Variants in FAM135B observed in about 807,000 individuals in gnomAD.
FAM135B encodes the protein protein FAM135B.
Under a neutral mutation model 127.7 loss-of-function variants are expected in FAM135B, and 43 were observed. The observed-to-expected ratio is 0.34, with a 90% CI of 0.26 to 0.43. FAM135B has a LOEUF of 0.43. Among genes scored for constraint, FAM135B ranks in the 20% least tolerant of loss-of-function variants. FAM135B has a pLI of 1.00. For missense variants in FAM135B, 1,558 were observed against 1,725.6 expected, an observed-to-expected ratio of 0.90 and a Z score of 1.72; for synonymous variants, 670 against 665.1, an observed-to-expected ratio of 1.01 and a Z score of -0.11.
At chr8:138,193,667 G>C (rs1278279031) in intron 9 of FAM135B, among the ~76,000 whole-genome samples, 1 of 152,198 alleles carries the variant, frequency 6.6e-6, no homozygotes, top group Non-Finnish European at 1.5e-5. Flanking sequence ...GCCCTCAGGG[G>C]ATGGAGCCTG....
At chr8:138,408,054 T>C (rs1044502165) in intron 1 of FAM135B, among the ~76,000 whole-genome samples, 1 of 152,120 alleles carries the variant, frequency 6.6e-6, no homozygotes, top group Non-Finnish European at 1.5e-5. Context: ...ACAGGCAGAG[T>C]AGATTTAGTG....
chr8:138,393,803 C>T (rs1334832930), intron 1 of FAM135B, among the ~76,000 whole-genome samples: 1 of 152,060 alleles, frequency 6.6e-6, no homozygotes, highest in African/African-American at 2.4e-5. Flanking sequence ...CACATAAAGC[C>T]TGTTGAGGGG....
chr8:138,476,398 T>C (rs1213205856), intron 1 of FAM135B, among the ~76,000 whole-genome samples: 1 of 151,894 alleles, frequency 6.6e-6, no homozygotes, highest in Non-Finnish European at 1.5e-5. Flanking sequence ...GTTCATTAAT[T>C]ATAAGAAATG....
chr8:138,421,188 C>T (rs1459849333), intron 1 of FAM135B, among the ~76,000 whole-genome samples: 1 of 152,124 alleles, frequency 6.6e-6, no homozygotes. Flanking sequence ...TGGCAGGCAA[C>T]TGTAGTCCCA....
Position 138,178,652 on chromosome 8 carries a change from G to T in FAM135B, c.912C>A (p.Ser304Arg), listed in dbSNP as rs771408254. The T allele has an allele frequency of 5.0e-6, 8 of 1,613,938 alleles. No homozygotes were observed. The African/African-American group carries it at 1.1e-4, about 22-fold the overall frequency. The change falls in exon 10 of 20, where the codon AGC (serine) becomes AGA (arginine). Residue 304 changes from serine to arginine, a missense_variant. Coordinates refer to ENST00000395297, the MANE Select transcript of FAM135B (RefSeq NM_015912.4). ...GGGACGTGAGCCAGGCCAGATCCTT[G>T]CTTATCTGCTCAGCGATCTTCTCTG... ...NNPEKIAEQI[S>R]KDLAWLTSHM...
At chr8:138,219,989 T>C (rs2130018187) in intron 7 of FAM135B, among the ~76,000 whole-genome samples, 1 of 152,048 alleles carries the variant, frequency 6.6e-6, no homozygotes, top group Non-Finnish European at 1.5e-5. Flanking sequence ...AACATACTGA[T>C]TGTTCTTGTT....
intron 16 of FAM135B, among the ~76,000 whole-genome samples, chr8:138,142,165 T>C (rs1336554648): frequency 1.3e-5 from 2 of 152,142 alleles, no homozygotes; most frequent in Non-Finnish European, 2.9e-5. Flanking sequence ...ACATATTCAA[T>C]TGCATGAAAA....
At chr8:138,256,818 C>T in intron 4 of FAM135B, 59 bp from the exon 5 acceptor site, 8 of 1,273,230 alleles carry the variant, frequency 6.3e-6, no homozygotes, top group Non-Finnish European at 8.0e-6. Context: ...AAATGAAATA[C>T]TTAGCTGGTC....
chr8:138,305,855 T>C (rs930910169), intron 3 of FAM135B, among the ~76,000 whole-genome samples: 1 of 152,184 alleles, frequency 6.6e-6, no homozygotes, highest in African/African-American at 2.4e-5. Flanking sequence ...TATACATGTA[T>C]ATATTTATAT....
intron 1 of FAM135B, among the ~76,000 whole-genome samples, chr8:138,485,304 A>T (rs1222375539): frequency 2.6e-5 from 4 of 152,168 alleles, no homozygotes; most frequent in Admixed American, 6.5e-5. Context: ...CCAAAGCCAC[A>T]CAAGGTCCCA....
At chr8:138,369,303 G>T (rs340708) in intron 1 of FAM135B, among the ~76,000 whole-genome samples, 73,874 of 151,878 alleles carry the variant, frequency 0.49, 20,255 homozygotes, top group Non-Finnish European at 0.63. Flanking sequence ...TCACACTTGG[G>T]TCTCCTTCCA....
intron 3 of FAM135B, among the ~76,000 whole-genome samples, chr8:138,281,827 T>C (rs1824290911): frequency 6.6e-6 from 1 of 152,200 alleles, no homozygotes; most frequent in Non-Finnish European, 1.5e-5. Context: ...TAAATTATTT[T>C]AGAGACAGGG....
intron 2 of FAM135B, among the ~76,000 whole-genome samples, chr8:138,316,231 G>T (rs1446390279): frequency 6.6e-6 from 1 of 152,188 alleles, no homozygotes; most frequent in Non-Finnish European, 1.5e-5. Context: ...ATGAGGCCGG[G>T]CGCGGTGGCT....
chr8:138,415,197 G>C (rs1187036377), intron 1 of FAM135B, among the ~76,000 whole-genome samples: 2 of 152,184 alleles, frequency 1.3e-5, no homozygotes, highest in African/African-American at 4.8e-5. Flanking sequence ...TGATTTTGCT[G>C]TTGTTGTTAA....
chr8:138,247,469 T>C (rs1821377439), intron 6 of FAM135B, among the ~76,000 whole-genome samples: 1 of 152,202 alleles, frequency 6.6e-6, no homozygotes, highest in Non-Finnish European at 1.5e-5. Context: ...GCACTTCTCT[T>C]TGATGCTGGC....
At chr8:138,391,077 C>G (rs1832542619) in intron 1 of FAM135B, among the ~76,000 whole-genome samples, 1 of 151,964 alleles carries the variant, frequency 6.6e-6, no homozygotes, top group Non-Finnish European at 1.5e-5. Flanking sequence ...CGAGAGTCAC[C>G]CTGCTCCCAA....
intron 2 of FAM135B, among the ~76,000 whole-genome samples, chr8:138,324,225 A>T (rs1344934835): frequency 6.6e-6 from 1 of 152,222 alleles, no homozygotes; most frequent in Non-Finnish European, 1.5e-5. Context: ...TGAATTGTAC[A>T]TTGTCATTCC....
intron 1 of FAM135B, among the ~76,000 whole-genome samples, chr8:138,456,041 C>T (rs1836759397): frequency 6.6e-6 from 1 of 152,104 alleles, no homozygotes; most frequent in Non-Finnish European, 1.5e-5. Flanking sequence ...ACGTGAGGAC[C>T]AAATGTAATG....
chr8:138,437,797 T>C (rs1048930707), intron 1 of FAM135B: 14 of 152,154 alleles, frequency 9.2e-5, no homozygotes, highest in African/African-American at 2.4e-4. Flanking sequence ...CACAACACAC[T>C]ACCACAAACC....
Sources: allele counts gnomAD v4.1 joint callset (sites outside exome capture counted in the v4.1 genomes callset), GRCh38; gene constraint gnomAD v4.1.1; transcripts MANE v1.5; gene names NCBI Gene and HGNC (gene_info 2026-07-23, HGNC 2026-07-21).